Variants in GABBR2 observed in about 807,000 individuals in gnomAD.
GABBR2 encodes the protein G-protein coupled receptor 51.
A neutral mutation model predicts 105.6 loss-of-function variants in GABBR2; 23 were observed. The observed-to-expected ratio is 0.22, with a 90% CI of 0.16 to 0.31. GABBR2 has a LOEUF of 0.31. Ranked by LOEUF, GABBR2 falls within the 10% of genes least tolerant of loss-of-function variation. The pLI, the probability that GABBR2 is intolerant of heterozygous loss-of-function variation, is 1.00. For synonymous variants in GABBR2, 478 were observed against 499.7 expected, an observed-to-expected ratio of 0.96 and a Z score of 0.58; for missense variants, 734 against 1,245.5, an observed-to-expected ratio of 0.59 and a Z score of 6.18.
At chr9:98,574,973 C>T (rs1317253627) in intron 2 of GABBR2, among the ~76,000 whole-genome samples, 1 of 152,160 alleles carries the variant, frequency 6.6e-6, no homozygotes. Flanking sequence ...GATCATTGAG[C>T]AGATTTCTAA....
At chr9:98,571,282 C>T (rs749193211) in intron 2 of GABBR2, among the ~76,000 whole-genome samples, 1 of 152,182 alleles carries the variant, frequency 6.6e-6, no homozygotes, top group Non-Finnish European at 1.5e-5. Context: ...TGGACTGTGC[C>T]CCACCATGGA....
chr9:98,505,192 C>T (rs753102614), intron 3 of GABBR2, among the ~76,000 whole-genome samples: 5 of 152,194 alleles, frequency 3.3e-5, no homozygotes, highest in African/African-American at 4.8e-5. Flanking sequence ...GTATTTCTGC[C>T]TGTCCAACCT....
Position 98,301,615 on chromosome 9 carries a change from G to A in GABBR2, c.2412+1626C>T, listed in dbSNP as rs1041092525. 7.9e-5 allele frequency among the ~76,000 whole-genome samples: 12 copies of A among 152,272 alleles called. No homozygotes were observed. The East Asian group carries it at 2.3e-3, about 29-fold the overall frequency. On this transcript the variant is annotated intron_variant, in intron 16 of 18. Transcript: ENST00000259455. Reference sequence around the variant, plus strand: ...TTAAATGGCAGGAGTAGGATCAAAGGGTGGGGACAACAGGAGGCCAGATTG... The same window carrying A: ...TTAAATGGCAGGAGTAGGATCAAAGAGTGGGGACAACAGGAGGCCAGATTG...
intron 13 of GABBR2, among the ~76,000 whole-genome samples, chr9:98,361,206 T>A (rs1037911025): frequency 6.6e-6 from 1 of 152,148 alleles, no homozygotes; most frequent in Admixed American, 6.6e-5. Context: ...GAGAGGGTAG[T>A]TAGTGGTATT....
chr9:98,489,550 A>T (rs1827130327), intron 4 of GABBR2, among the ~76,000 whole-genome samples: 1 of 152,218 alleles, frequency 6.6e-6, no homozygotes, highest in South Asian at 2.1e-4. Flanking sequence ...TAAAAGATAG[A>T]GAGTTCCATG....
chr9:98,429,451 A>G (rs1825760763), intron 7 of GABBR2, among the ~76,000 whole-genome samples: 1 of 152,030 alleles, frequency 6.6e-6, no homozygotes, highest in Admixed American at 6.6e-5. Context: ...GGATTTTGGT[A>G]TATATTTTTG....
chr9:98,378,580 G>A (rs1588130240), intron 11 of GABBR2, among the ~76,000 whole-genome samples: 1 of 152,222 alleles, frequency 6.6e-6, no homozygotes, highest in Non-Finnish European at 1.5e-5. Flanking sequence ...GCGGTCTGGG[G>A]ATGTGGCATC....
intron 11 of GABBR2, among the ~76,000 whole-genome samples, chr9:98,379,585 C>T (rs1244295602): frequency 6.6e-6 from 1 of 152,206 alleles, no homozygotes; most frequent in Non-Finnish European, 1.5e-5. Context: ...CCTCTTTATC[C>T]CAAGTTTACT....
chr9:98,588,747 C>T (rs1453826648), intron 1 of GABBR2, among the ~76,000 whole-genome samples: 1 of 152,106 alleles, frequency 6.6e-6, no homozygotes, highest in South Asian at 2.1e-4. Flanking sequence ...GCCCCTCCCC[C>T]CGACAATTAG....
rs1235121137 is a variant in GABBR2, at chr9:98,547,038, G to A, written c.460-4995C>T. 4.2e-5 allele frequency among the ~76,000 whole-genome samples: 5 copies of A among 120,098 alleles called. 1 individual carries two copies. The highest frequency in any genetic ancestry group is 9.3e-5 in the Non-Finnish European group (5 of 53,806). 78.8% of individuals were successfully genotyped at this position (120,098 alleles called of 152,430 possible). On this transcript the variant is annotated intron_variant, in intron 2 of 18. Coordinates refer to ENST00000259455, the MANE Select transcript of GABBR2 (RefSeq NM_005458.8). ...CATTTCTCCCCTTTGAAACTACAAA[G>A]TGATGCAGAGGAGAAATTTGGGGCT...
chr9:98,468,211 C>T (rs939524174), intron 6 of GABBR2, among the ~76,000 whole-genome samples: 3 of 152,180 alleles, frequency 2.0e-5, no homozygotes, highest in Non-Finnish European at 2.9e-5. Context: ...CTTGCTATTC[C>T]TCCTACCAGA....
intron 4 of GABBR2, among the ~76,000 whole-genome samples, chr9:98,495,521 G>A (rs16916500): frequency 0.048 from 7,323 of 152,230 alleles, 597 homozygotes; most frequent in African/African-American, 0.17. Context: ...AAACTTCTAA[G>A]CTTGGCATTC....
intron 7 of GABBR2, among the ~76,000 whole-genome samples, chr9:98,447,063 CTTTTT>C (rs369338702): frequency 8.6e-6 from 1 of 116,358 alleles, no homozygotes. Context: ...AAAAAGACTT[CTTTTT>C]TTTTTTTTTT....
chr9:98,377,755 C>T (rs2131472964), intron 11 of GABBR2, among the ~76,000 whole-genome samples: 1 of 152,218 alleles, frequency 6.6e-6, no homozygotes, highest in South Asian at 2.1e-4. Context: ...CCCCACTCAG[C>T]CCCCTCCTCT....
intron 1 of GABBR2, among the ~76,000 whole-genome samples, chr9:98,637,464 T>A (rs1412010762): frequency 6.6e-6 from 1 of 152,094 alleles, no homozygotes; most frequent in Non-Finnish European, 1.5e-5. Context: ...TTGCATGAGG[T>A]TAGATGGCAA....
rs576007712 is a variant in GABBR2 at position 98,425,286 on chromosome 9, C to T, written c.1237-19145G>A. Reference sequence around the variant, plus strand: ...GCCTTCCCTGAAGCAGTGATGTTAACTGTCACGAACTGATGACTGAAAGCA... The same window carrying T: ...GCCTTCCCTGAAGCAGTGATGTTAATTGTCACGAACTGATGACTGAAAGCA... On this transcript the variant is annotated intron_variant, in intron 7 of 18. Transcript: ENST00000259455. Among the ~76,000 whole-genome samples, 7 of 152,244 alleles carry T rather than the reference C, an allele frequency of 4.6e-5. No homozygotes were observed. In the South Asian group the frequency reaches 1.0e-3, roughly 23 times the overall value.
intron 1 of GABBR2, chr9:98,607,774 A>T: frequency 1.3e-6 from 1 of 786,314 alleles, no homozygotes; most frequent in Non-Finnish European, 2.3e-6. Flanking sequence ...GGCAGCTGTG[A>T]CTTATAATGG....
chr9:98,447,974 C>T (rs1181963296), intron 7 of GABBR2, among the ~76,000 whole-genome samples: 1 of 152,118 alleles, frequency 6.6e-6, no homozygotes, highest in Non-Finnish European at 1.5e-5. Flanking sequence ...ATACACTCTG[C>T]AAATCGCCAT....
intron 3 of GABBR2, among the ~76,000 whole-genome samples, chr9:98,515,250 T>G (rs1442986941): frequency 1.3e-5 from 2 of 152,276 alleles, no homozygotes; most frequent in South Asian, 2.1e-4. Context: ...AAGAGAGGCC[T>G]CAGCCAAACT....
Sources: allele counts gnomAD v4.1 joint callset (sites outside exome capture counted in the v4.1 genomes callset), GRCh38; gene constraint gnomAD v4.1.1; transcripts MANE v1.5; gene names NCBI Gene and HGNC (gene_info 2026-07-23, HGNC 2026-07-21).